ACTR10: variants seen among roughly 807,000 people sequenced by gnomAD.
ACTR10 encodes the protein actin-related protein 10.
ACTR10 carries 43 observed loss-of-function variants against 56.2 expected under a neutral mutation model. That is an observed-to-expected ratio of 0.77 (90% CI 0.60 to 0.99). The LOEUF (loss-of-function observed/expected upper bound fraction) is 0.99. ACTR10 is among the 50% of genes least tolerant of loss of function. ACTR10 has a pLI of 0.00. For synonymous variants in ACTR10, 170 were observed against 176.3 expected, an observed-to-expected ratio of 0.96 and a Z score of 0.28; for missense variants, 466 against 507.8, an observed-to-expected ratio of 0.92 and a Z score of 0.79.
intron 5 of ACTR10, among the ~76,000 whole-genome samples, chr14:58,212,179 G>C (rs958594952): frequency 6.6e-6 from 1 of 152,226 alleles, no homozygotes; most frequent in South Asian, 2.1e-4. Flanking sequence ...TCTCATAGAA[G>C]AGTTGTGTTA....
intron 3 of ACTR10, among the ~76,000 whole-genome samples, 153 bp downstream of exon 3, chr14:58,208,171 T>C (rs1888912549): frequency 6.6e-6 from 1 of 151,684 alleles, no homozygotes; most frequent in South Asian, 2.1e-4. Flanking sequence ...TTCAAAAATA[T>C]ATTTGAAGAC....
At chr14:58,208,916 A>G in intron 3 of ACTR10, 83 bp from the exon 4 acceptor site, 2 of 834,810 alleles carry the variant, frequency 2.4e-6, no homozygotes, top group South Asian at 3.0e-5. Flanking sequence ...CTAAGGTAGT[A>G]CAGTTTCACT....
chr14:58,220,926 A>C (rs1889249974), intron 8 of ACTR10, among the ~76,000 whole-genome samples: 1 of 152,204 alleles, frequency 6.6e-6, no homozygotes, highest in South Asian at 2.1e-4. Context: ...AAGAAGGTCC[A>C]TAATGTTAAG....
At chr14:58,219,959 A>AC in intron 8 of ACTR10, among the ~76,000 whole-genome samples, 2 of 152,326 alleles carry the variant, frequency 1.3e-5, no homozygotes, top group South Asian at 4.1e-4. Flanking sequence ...AATTGTATAC[A>AC]GAGTATACAG....
At chr14:58,203,997 G>A (rs986757104) in intron 2 of ACTR10, among the ~76,000 whole-genome samples, 2 of 152,106 alleles carry the variant, frequency 1.3e-5, no homozygotes, top group African/African-American at 4.8e-5. Flanking sequence ...GTAATCAGAG[G>A]ACTAGCAAAA....
chr14:58,223,930 C>A, intron 10 of ACTR10, 74 bp downstream of exon 10: 2 of 1,148,430 alleles, frequency 1.7e-6, no homozygotes, highest in Non-Finnish European at 1.3e-6. Flanking sequence ...TTTGTATGAG[C>A]CTTTATTTCA....
At chr14:58,200,551 C>A (rs1291882106) in intron 1 of ACTR10, among the ~76,000 whole-genome samples, 1 of 152,222 alleles carries the variant, frequency 6.6e-6, no homozygotes, top group Admixed American at 6.5e-5. Context: ...TGTCATCACC[C>A]CAAACCCAAC....
At chr14:58,226,670 G>A (rs939891625) in intron 10 of ACTR10, among the ~76,000 whole-genome samples, 17 of 151,814 alleles carry the variant, frequency 1.1e-4, no homozygotes, top group South Asian at 2.1e-4. Flanking sequence ...ATGTGGTCTC[G>A]GCTCACCACA....
At position 58,223,413 on chromosome 14, in the gene ACTR10, C is replaced by T. The variant is rs866757357; in HGVS notation, c.635-209C>T. 71 of 513,364 alleles carry T rather than the reference C, an allele frequency of 1.4e-4. No homozygotes were observed. The Middle Eastern group carries it at 2.1e-3, about 15-fold the overall frequency. 31.8% of individuals were successfully genotyped at this position (513,364 alleles called of 1,614,324 possible). On this transcript the variant is annotated intron_variant, in intron 8 of 12. Coordinates refer to ENST00000254286, the MANE Select transcript of ACTR10 (RefSeq NM_018477.3). ...TCGGCCTCCCAAAGTGCTGGGATTA[C>T]AGGCAAGAGCCACTGCACCTGGCCA... is the stretch of plus-strand genomic sequence containing the variant.
intron 5 of ACTR10, among the ~76,000 whole-genome samples, chr14:58,211,899 C>G (rs1305390148): frequency 2.0e-5 from 3 of 150,780 alleles, no homozygotes; most frequent in African/African-American, 7.3e-5. Flanking sequence ...GAGATCATGC[C>G]ACTGCACTCC....
Position 58,234,605 on chromosome 14 carries a change from G to A in ACTR10, c.*54G>A. The A allele has an allele frequency of 6.5e-7, 1 of 1,530,692 alleles. No homozygotes were observed. 94.8% of individuals were successfully genotyped at this position (1,530,692 alleles called of 1,614,324 possible). A position where few individuals can be genotyped will look rare whatever the true frequency, so the allele number is the denominator to read the frequency against. Reference sequence around the variant, plus strand: ...ATATCAAATATTTAACCAATTATAAGCAAATTGTACAAAGTATGTAGGATG... The same window carrying A: ...ATATCAAATATTTAACCAATTATAAACAAATTGTACAAAGTATGTAGGATG... On this transcript the variant is annotated 3_prime_UTR_variant, in exon 13 of 13. Coordinates refer to ENST00000254286, the MANE Select transcript of ACTR10 (RefSeq NM_018477.3).
At chr14:58,230,874 CCTCAGCCTCCTGAGGAA>C (rs1460539916) in intron 11 of ACTR10, among the ~76,000 whole-genome samples, 4 of 151,796 alleles carry the variant, frequency 2.6e-5, no homozygotes, top group African/African-American at 9.7e-5. Context: ...GATTCTCCTG[CCTCAGCCTCCTGAGGAA>C]CTGGGATTAC....
chr14:58,209,174 C>T (rs78082145), intron 4 of ACTR10, 67 bp downstream of exon 4: 1 of 1,166,970 alleles, frequency 8.6e-7, no homozygotes, highest in South Asian at 1.4e-5. Flanking sequence ...AAAATTCTTA[C>T]CAATTTTTAG....
At chr14:58,230,586 A>G (rs2140064422) in intron 11 of ACTR10, 106 bp downstream of exon 11, 2 of 467,722 alleles carry the variant, frequency 4.3e-6, no homozygotes, top group Non-Finnish European at 7.4e-6. Context: ...ATTATTTTTA[A>G]TATGTGTCAA....
Position 58,209,422 on chromosome 14 carries a change from T to C in ACTR10, c.342+315T>C, listed in dbSNP as rs531238298. ...TTATTACTGTTTATTTATTTTAATATAGGTTTTTCTATTTGGGGACTTTTT... is the reference window on the plus strand; with the variant it reads ...TTATTACTGTTTATTTATTTTAATACAGGTTTTTCTATTTGGGGACTTTTT... On this transcript the variant is annotated intron_variant, in intron 4 of 12. Transcript: ENST00000254286. 8.5e-5 allele frequency among the ~76,000 whole-genome samples: 13 copies of C among 152,258 alleles called. No individual in the cohort carries two copies. The East Asian group carries it at 2.5e-3, about 29-fold the overall frequency.
chr14:58,210,724 G>A (rs1474556170), intron 4 of ACTR10, among the ~76,000 whole-genome samples: 3 of 149,668 alleles, frequency 2.0e-5, no homozygotes, highest in African/African-American at 7.4e-5. Flanking sequence ...GCCCAGGCTG[G>A]AGTGCAATGG....
In ACTR10 at chr14:58,219,731, T is replaced by C; in HGVS notation, c.634+2T>C. ...AAGGTGTCTTAGAGGACATTAAAGGTAAACTAAGTTCTCATTTTTGTCCCT... is the reference window on the plus strand; with the variant it reads ...AAGGTGTCTTAGAGGACATTAAAGGCAAACTAAGTTCTCATTTTTGTCCCT... On this transcript the variant is annotated splice_donor_variant, in intron 8 of 12. Coordinates refer to ENST00000254286, the MANE Select transcript of ACTR10 (RefSeq NM_018477.3). LOFTEE classifies it high-confidence loss of function. 6.6e-7 allele frequency: 1 copy of C among 1,521,232 alleles called. No homozygotes were observed. Among genetic ancestry groups the C allele is most frequent in the Non-Finnish European group, 8.8e-7 (1 of 1,132,780 alleles). The allele number at this position is 1,521,232 out of a possible 1,614,324, so 94.2% of individuals were successfully genotyped here.
intron 7 of ACTR10, among the ~76,000 whole-genome samples, chr14:58,216,518 G>A (rs1266782085): frequency 2.6e-5 from 4 of 152,120 alleles, no homozygotes; most frequent in Non-Finnish European, 4.4e-5. Flanking sequence ...TTATCTGTTG[G>A]ATATAAATGT....
chr14:58,208,019 G>T lies in ACTR10; in HGVS notation c.233+1G>T, dbSNP rs1290925834. 2 of 1,497,746 alleles carry T rather than the reference G, an allele frequency of 1.3e-6. No individual in the cohort carries two copies. Among genetic ancestry groups the T allele is most frequent in the African/African-American group, 1.5e-5 (1 of 67,542 alleles). 92.8% of individuals were successfully genotyped at this position (1,497,746 alleles called of 1,614,324 possible). On this transcript the variant is annotated splice_donor_variant, in intron 3 of 12. Transcript: ENST00000254286. LOFTEE classifies it high-confidence loss of function. ...AATTCATCCACATACTATATTTCAG[G>T]TAAGATACATTTTGTTTTCTAGCTT...
Sources: gnomAD v4.1 joint callset for allele counts (sites outside exome capture counted in the v4.1 genomes callset) on GRCh38, gnomAD v4.1.1 for gene constraint, MANE v1.5 for transcripts, NCBI Gene and HGNC (gene_info 2026-07-23, HGNC 2026-07-21) for gene names.